Variants in SLC26A7 observed in about 807,000 individuals in gnomAD.
The protein encoded by SLC26A7 is anion exchange transporter.
Under a neutral mutation model 82.5 loss-of-function variants are expected in SLC26A7, and 59 were observed. The ratio of observed to expected loss-of-function variants is 0.72; its 90% CI spans 0.58 to 0.89. SLC26A7 has a LOEUF of 0.89. Ranked by LOEUF, SLC26A7 falls within the 40% of genes least tolerant of loss-of-function variation. The probability of loss-of-function intolerance (pLI) is 0.00; values close to 1 mark genes in which losing one functional copy is unlikely to be tolerated. For missense variants in SLC26A7, 820 were observed against 793.0 expected (o/e 1.03, Z -0.41); for synonymous variants, 271 against 274.3 (o/e 0.99, Z 0.12).
At chr8:91,348,988 G>C (rs371469386) in intron 9 of SLC26A7, among the ~76,000 whole-genome samples, 51 of 152,320 alleles carry the variant, frequency 3.3e-4, no homozygotes, top group African/African-American at 1.1e-3. Context: ...GTTAGGGAAT[G>C]ATGGCTTTCA....
chr8:91,312,268 G>A (rs902034888), intron 4 of SLC26A7, among the ~76,000 whole-genome samples: 2 of 151,942 alleles, frequency 1.3e-5, no homozygotes, highest in African/African-American at 4.8e-5. Context: ...CATCCATGTT[G>A]TTACATTTTT....
At chr8:91,331,282 C>T (rs750041582) in intron 5 of SLC26A7, among the ~76,000 whole-genome samples, 15 of 151,998 alleles carry the variant, frequency 9.9e-5, no homozygotes. Context: ...TTTTCTTTTC[C>T]GACTTAGCAT....
chr8:91,306,321 G>A (rs1812306099), intron 4 of SLC26A7, among the ~76,000 whole-genome samples: 1 of 152,004 alleles, frequency 6.6e-6, no homozygotes, highest in South Asian at 2.1e-4. Flanking sequence ...TTTTGTCTTG[G>A]TGTGGTTATT....
chr8:91,375,212 A>G (rs1586468261), intron 15 of SLC26A7, among the ~76,000 whole-genome samples: 1 of 152,040 alleles, frequency 6.6e-6, no homozygotes, highest in East Asian at 1.9e-4. Flanking sequence ...ATATCTTTTA[A>G]GTGGAGCATT....
At chr8:91,298,560 G>A (rs529760907) in intron 4 of SLC26A7, among the ~76,000 whole-genome samples, 2 of 152,152 alleles carry the variant, frequency 1.3e-5, no homozygotes, top group African/African-American at 4.8e-5. Context: ...ATTGTACCTA[G>A]CATAGAACTC....
intron 5 of SLC26A7, among the ~76,000 whole-genome samples, chr8:91,332,950 G>A (rs1171465953): frequency 6.6e-6 from 1 of 151,924 alleles, no homozygotes; most frequent in Non-Finnish European, 1.5e-5. Flanking sequence ...TTAATATTCT[G>A]TATGAATTTG....
intron 15 of SLC26A7, among the ~76,000 whole-genome samples, chr8:91,377,720 C>T (rs767274413): frequency 6.6e-6 from 1 of 152,142 alleles, no homozygotes; most frequent in Non-Finnish European, 1.5e-5. Context: ...TGCAGATTGT[C>T]GATTGTCACA....
intron 2 of SLC26A7, among the ~76,000 whole-genome samples, chr8:91,279,359 T>G (rs750715978): frequency 1.3e-5 from 2 of 151,850 alleles, no homozygotes; most frequent in African/African-American, 2.4e-5. Flanking sequence ...TTTAATTTTT[T>G]GGGGAACCTC....
intron 2 of SLC26A7, among the ~76,000 whole-genome samples, chr8:91,270,065 T>G (rs1811227673): frequency 6.6e-6 from 1 of 152,190 alleles, no homozygotes; most frequent in East Asian, 1.9e-4. Flanking sequence ...TTGTCAGCCA[T>G]TTCATAGATT....
intron 2 of SLC26A7, among the ~76,000 whole-genome samples, chr8:91,219,436 T>A (rs188639275): frequency 2.6e-5 from 4 of 152,300 alleles, no homozygotes; most frequent in Admixed American, 2.6e-4. Context: ...TAATATCTAC[T>A]GACCTTCACA....
chr8:91,336,054 C>T (rs563556149), intron 6 of SLC26A7, among the ~76,000 whole-genome samples: 7 of 152,256 alleles, frequency 4.6e-5, no homozygotes, highest in African/African-American at 1.7e-4. Context: ...TCTTGAGCCA[C>T]CCTGGGAGGA....
chr8:91,341,331 G>A (rs1813407390), intron 8 of SLC26A7, among the ~76,000 whole-genome samples: 1 of 152,030 alleles, frequency 6.6e-6, no homozygotes, highest in African/African-American at 2.4e-5. Context: ...CATTTTTTAT[G>A]GCTGCATAGT....
At chr8:91,347,851 A>G (rs981918813) in intron 9 of SLC26A7, among the ~76,000 whole-genome samples, 20 of 152,224 alleles carry the variant, frequency 1.3e-4, no homozygotes, top group Non-Finnish European at 5.9e-5. Context: ...GGAATAAGAA[A>G]TTTGTGGCAC....
chr8:91,244,701 T>G (rs547788365), upstream of SLC26A7, among the ~76,000 whole-genome samples: 7 of 151,866 alleles, frequency 4.6e-5, no homozygotes, highest in Non-Finnish European at 1.0e-4. Context: ...ATTATTATTT[T>G]GTAGAGATGA....
At chr8:91,305,393 A>T (rs1212287824) in intron 4 of SLC26A7, among the ~76,000 whole-genome samples, 1 of 152,188 alleles carries the variant, frequency 6.6e-6, no homozygotes, top group African/African-American at 2.4e-5. Flanking sequence ...AGACCTAGTC[A>T]ATAAAATCTC....
chr8:91,373,038 G>A (rs1814411017), intron 15 of SLC26A7, among the ~76,000 whole-genome samples: 1 of 151,752 alleles, frequency 6.6e-6, no homozygotes, highest in African/African-American at 2.4e-5. Context: ...AGCTTTGTTG[G>A]TGTACATAAA....
At chr8:91,286,601 C>T (rs575043082) in intron 2 of SLC26A7, among the ~76,000 whole-genome samples, 2 of 152,068 alleles carry the variant, frequency 1.3e-5, no homozygotes, top group African/African-American at 2.4e-5. Context: ...AAGTATCTGT[C>T]GGCATTTGCA....
At chr8:91,371,631 C>G (rs978114467) in intron 15 of SLC26A7, among the ~76,000 whole-genome samples, 1 of 151,732 alleles carries the variant, frequency 6.6e-6, no homozygotes, top group Non-Finnish European at 1.5e-5. Context: ...TTTTCTTTAT[C>G]CAGTCCATCT....
intron 15 of SLC26A7, among the ~76,000 whole-genome samples, chr8:91,375,719 GTCT>G (rs1483408894): frequency 8.4e-5 from 12 of 142,206 alleles, no homozygotes; most frequent in African/African-American, 1.8e-4. Flanking sequence ...CTTCAGTGAT[GTCT>G]TCTTCTACAG....
Sources: gnomAD v4.1 joint callset for allele counts (sites outside exome capture counted in the v4.1 genomes callset) on GRCh38, gnomAD v4.1.1 for gene constraint, MANE v1.5 for transcripts, NCBI Gene and HGNC (gene_info 2026-07-23, HGNC 2026-07-21) for gene names.